The following CFAP52 variants were observed in gnomAD, a reference collection of about 807,000 sequenced individuals.
The protein encoded by CFAP52 is cilia- and flagella-associated protein 52.
Under a neutral mutation model 70.5 loss-of-function variants are expected in CFAP52, and 57 were observed. The observed-to-expected ratio is 0.81, with a 90% CI of 0.65 to 1.01. The LOEUF (loss-of-function observed/expected upper bound fraction) is 1.01. Ranked by LOEUF, CFAP52 falls within the 50% of genes least tolerant of loss-of-function variation. The pLI is 0.00. For synonymous variants in CFAP52, 267 were observed against 292.5 expected, an observed-to-expected ratio of 0.91 and a Z score of 0.89; for missense variants, 785 against 788.5, an observed-to-expected ratio of 1.00 and a Z score of 0.05.
intron 6 of CFAP52, among the ~76,000 whole-genome samples, chr17:9,606,088 A>G (rs538230268): frequency 1.4e-4 from 22 of 152,300 alleles, no homozygotes; most frequent in Admixed American, 2.0e-4. Context: ...ATAGCCTAGT[A>G]AAAACAAAAA....
intron 6 of CFAP52, among the ~76,000 whole-genome samples, chr17:9,607,207 A>G (rs1370663952): frequency 6.6e-6 from 1 of 152,166 alleles, no homozygotes; most frequent in Admixed American, 6.5e-5. Flanking sequence ...TTAACCAGGC[A>G]TGATGGCGCA....
chr17:9,607,486 G>A (rs73253879), intron 6 of CFAP52, among the ~76,000 whole-genome samples: 2,419 of 152,268 alleles, frequency 0.016, 47 homozygotes, highest in African/African-American at 0.045. Flanking sequence ...ATGGTGGGGG[G>A]CACCCCAACC....
At chr17:9,584,604 C>A (rs1908369123) in intron 1 of CFAP52, among the ~76,000 whole-genome samples, 1 of 36,952 alleles carries the variant, frequency 2.7e-5, no homozygotes, top group Admixed American at 4.4e-4. Flanking sequence ...CAGATTAATG[C>A]AGTATTTTTT....
chr17:9,594,278 AT>A lies in CFAP52; in HGVS notation c.494del (p.Ile165ThrfsTer11). Reference sequence around the variant, plus strand: ...CAATGTTGGCAATGCCACCAATGTGATCTTCTCCAGGTGCCGGGATGAGATG... The same window carrying A: ...CAATGTTGGCAATGCCACCAATGTGACTTCTCCAGGTGCCGGGATGAGATG... Reference protein sequence around the residue: ...GLNVGNATNVIFSRCRDEMFM... With the variant: ...GLNVGNATNVXFSRCRDEMFM... On this transcript the variant is annotated frameshift_variant, in exon 4 of 14. Transcript: ENST00000352665. LOFTEE classifies it high-confidence loss of function. 3 of 1,613,942 alleles carry A rather than the reference AT, an allele frequency of 1.9e-6. No homozygotes were observed. Among genetic ancestry groups the A allele is most frequent in the Non-Finnish European group, 2.5e-6 (3 of 1,179,978 alleles).
At chr17:9,584,712 C>T (rs571799409) in intron 1 of CFAP52, among the ~76,000 whole-genome samples, 77 of 150,282 alleles carry the variant, frequency 5.1e-4, no homozygotes, top group Non-Finnish European at 1.0e-3. Flanking sequence ...ACCTCCGCCT[C>T]GTGGGTTCCA....
At chr17:9,637,999 T>C (rs1407132946) in intron 11 of CFAP52, among the ~76,000 whole-genome samples, 1 of 152,176 alleles carries the variant, frequency 6.6e-6, no homozygotes, top group Admixed American at 6.5e-5. Context: ...CTTCTTACCA[T>C]ATGCAGACAA....
chr17:9,637,375 T>A (rs1423426988), intron 11 of CFAP52, among the ~76,000 whole-genome samples: 1 of 152,228 alleles, frequency 6.6e-6, no homozygotes, highest in Non-Finnish European at 1.5e-5. Context: ...GGAATTCTTG[T>A]GCCAAAATCT....
chr17:9,580,834 C>T (rs906841203), intron 1 of CFAP52, among the ~76,000 whole-genome samples: 14 of 151,824 alleles, frequency 9.2e-5, no homozygotes, highest in Non-Finnish European at 1.8e-4. Context: ...AATTTTACAA[C>T]CTTGTTGAAG....
intron 3 of CFAP52, among the ~76,000 whole-genome samples, chr17:9,588,116 C>T (rs1908577445): frequency 6.6e-6 from 1 of 152,124 alleles, no homozygotes; most frequent in Non-Finnish European, 1.5e-5. Flanking sequence ...AAGGATAGGC[C>T]AAGGTAGGAT....
intron 8 of CFAP52, among the ~76,000 whole-genome samples, chr17:9,613,210 G>A (rs187325231): frequency 6.6e-4 from 100 of 150,462 alleles, no homozygotes; most frequent in Non-Finnish European, 9.7e-4. Context: ...CATGGTGGTG[G>A]GTATTACGAG....
intron 9 of CFAP52, among the ~76,000 whole-genome samples, chr17:9,632,671 A>G (rs73975755): frequency 0.014 from 2,177 of 151,874 alleles, 73 homozygotes; most frequent in African/African-American, 0.05. Flanking sequence ...GAGGGTAATC[A>G]AGGAAGACTC....
At chr17:9,598,693 G>A (rs8080111) in intron 5 of CFAP52, 18,243 of 156,006 alleles carry the variant, frequency 0.12, 2,416 homozygotes, top group East Asian at 0.45. Context: ...CCTGGGAGGC[G>A]GAAGTTGCGG....
At chr17:9,586,161 C>G (rs762627357) in intron 2 of CFAP52, among the ~76,000 whole-genome samples, 189 bp downstream of exon 2, 30 of 151,972 alleles carry the variant, frequency 2.0e-4, no homozygotes, top group Admixed American at 3.3e-4. Flanking sequence ...GATTTTATAC[C>G]CGAGGTTGCA....
intron 9 of CFAP52, among the ~76,000 whole-genome samples, chr17:9,630,993 A>G (rs1490743402): frequency 3.4e-5 from 2 of 59,470 alleles, no homozygotes; most frequent in African/African-American, 1.0e-4. Flanking sequence ...CTCAAAAAAA[A>G]GAAAGAAAGA....
rs550327307 is a variant in CFAP52, at chr17:9,636,999, C to A, written c.1472+1443C>A. On this transcript the variant is annotated intron_variant, in intron 11 of 13. Coordinates refer to ENST00000352665, the MANE Select transcript of CFAP52 (RefSeq NM_145054.5). Reference sequence around the variant, plus strand: ...GGCGGAGGTTGCAGTGAGCTGAGATCGCACCACTGCACTCCAGCCTGGGCC... The same window carrying A: ...GGCGGAGGTTGCAGTGAGCTGAGATAGCACCACTGCACTCCAGCCTGGGCC... Among the ~76,000 whole-genome samples the A allele has an allele frequency of 4.6e-5, 7 of 152,172 alleles. No individual in the cohort carries two copies. The South Asian group carries it at 1.5e-3, about 32-fold the overall frequency.
intron 10 of CFAP52, among the ~76,000 whole-genome samples, chr17:9,634,580 A>G (rs774257338): frequency 1.3e-5 from 2 of 151,948 alleles, no homozygotes; most frequent in Non-Finnish European, 2.9e-5. Flanking sequence ...ACAGAGCGAC[A>G]TTTTGTCTCA....
intron 8 of CFAP52, among the ~76,000 whole-genome samples, chr17:9,626,158 G>C (rs151131928): frequency 1.5e-4 from 23 of 152,280 alleles, no homozygotes; most frequent in African/African-American, 5.3e-4. Flanking sequence ...TCTACCACTT[G>C]AATGGTTCAG....
Position 9,632,876 on chromosome 17 carries a change from C to T in CFAP52, c.1175-12C>T. On this transcript the variant is annotated splice_polypyrimidine_tract_variant and intron_variant, in intron 9 of 13. Transcript: ENST00000352665. ...CTGATCCTGCCTGCCTTTTGTTTCC[C>T]TTTCATGCCAGCATGGAACGACGGT... is the stretch of plus-strand genomic sequence containing the variant. 1.2e-6 allele frequency: 2 copies of T among 1,613,324 alleles called. No individual in the cohort carries two copies. The highest frequency in any genetic ancestry group is 8.5e-7 in the Non-Finnish European group (1 of 1,179,470).
At chr17:9,614,466 T>C (rs1396521545) in intron 8 of CFAP52, among the ~76,000 whole-genome samples, 1 of 152,206 alleles carries the variant, frequency 6.6e-6, no homozygotes, top group Non-Finnish European at 1.5e-5. Flanking sequence ...TCTCAAAATA[T>C]TTCTCTTGCC....
Sources: gnomAD v4.1 joint callset for allele counts (sites outside exome capture counted in the v4.1 genomes callset) on GRCh38, gnomAD v4.1.1 for gene constraint, MANE v1.5 for transcripts, NCBI Gene and HGNC (gene_info 2026-07-23, HGNC 2026-07-21) for gene names.